Variants in PTPN4 observed in about 807,000 individuals in gnomAD.
The protein encoded by PTPN4 is protein tyrosine phosphatase non-receptor type 4.
PTPN4 carries 49 observed loss-of-function variants against 135.5 expected under a neutral mutation model. The observed-to-expected ratio is 0.36, with a 90% confidence interval of 0.29 to 0.46. PTPN4 has a LOEUF of 0.46. Among genes scored for constraint, PTPN4 ranks in the 20% least tolerant of loss-of-function variants. PTPN4 has a pLI of 1.00. For synonymous variants in PTPN4, 333 were observed against 369.9 expected (o/e 0.90, Z 1.14); for missense variants, 860 against 1,101.0 (o/e 0.78, Z 3.10).
intron 12 of PTPN4, among the ~76,000 whole-genome samples, chr2:119,922,004 C>T (rs893275899): frequency 6.6e-6 from 1 of 152,012 alleles, no homozygotes; most frequent in Non-Finnish European, 1.5e-5. Flanking sequence ...AATAACCAGT[C>T]TTCAACTATA....
At chr2:119,885,211 G>C (rs562580007) in intron 8 of PTPN4, among the ~76,000 whole-genome samples, 1 of 152,190 alleles carries the variant, frequency 6.6e-6, no homozygotes, top group East Asian at 1.9e-4. Flanking sequence ...TTAATTACTA[G>C]AAAAATAAAG....
chr2:119,795,034 C>A (rs1393921403), intron 1 of PTPN4, among the ~76,000 whole-genome samples: 2 of 152,066 alleles, frequency 1.3e-5, no homozygotes, highest in East Asian at 3.9e-4. Context: ...GAGGGTAGTT[C>A]TTCTTGGCTG....
At chr2:119,947,397 G>A (rs1171743879) in intron 18 of PTPN4, among the ~76,000 whole-genome samples, 1 of 152,080 alleles carries the variant, frequency 6.6e-6, no homozygotes, top group African/African-American at 2.4e-5. Flanking sequence ...ATGTTATGTG[G>A]TTTTGGTTCT....
intron 13 of PTPN4, among the ~76,000 whole-genome samples, chr2:119,931,293 T>C (rs1678901968): frequency 6.6e-6 from 1 of 152,060 alleles, no homozygotes; most frequent in South Asian, 2.1e-4. Context: ...TTTCAGCTAA[T>C]TTTGTCTATT....
intron 1 of PTPN4, among the ~76,000 whole-genome samples, chr2:119,801,981 A>C (rs1466867070): frequency 7.0e-6 from 1 of 142,584 alleles, no homozygotes; most frequent in Admixed American, 7.4e-5. Flanking sequence ...GCTCACTGCA[A>C]CCTCCGCCTC....
At chr2:119,872,182 A>C (rs72969187) in intron 3 of PTPN4, among the ~76,000 whole-genome samples, 3,245 of 152,254 alleles carry the variant, frequency 0.021, 111 homozygotes, top group African/African-American at 0.073. Flanking sequence ...GATCAAATCC[A>C]AGTTTTCCAC....
intron 2 of PTPN4, among the ~76,000 whole-genome samples, chr2:119,817,071 C>T (rs572120878): frequency 1.3e-4 from 20 of 152,294 alleles, no homozygotes; most frequent in African/African-American, 4.6e-4. Context: ...TAAGGGAATG[C>T]ATTTGTCAAC....
chr2:119,942,270 A>G (rs1442195580), intron 15 of PTPN4, among the ~76,000 whole-genome samples: 1 of 152,154 alleles, frequency 6.6e-6, no homozygotes, highest in Admixed American at 6.5e-5. Flanking sequence ...CTCTCATGTA[A>G]CTGAGTATTG....
intron 1 of PTPN4, among the ~76,000 whole-genome samples, chr2:119,797,849 C>G (rs1388182695): frequency 6.6e-6 from 1 of 152,012 alleles, no homozygotes; most frequent in Non-Finnish European, 1.5e-5. Flanking sequence ...TTTTAATTCC[C>G]CAGTCATGGT....
At chr2:119,786,714 T>C (rs973980328) in intron 1 of PTPN4, among the ~76,000 whole-genome samples, 17 of 152,176 alleles carry the variant, frequency 1.1e-4, no homozygotes, top group Non-Finnish European at 2.4e-4. Flanking sequence ...TATCCTCTTA[T>C]TCACTGAGGC....
chr2:119,907,994 C>CT (rs1336272927), intron 10 of PTPN4, among the ~76,000 whole-genome samples: 21 of 152,190 alleles, frequency 1.4e-4, no homozygotes, highest in Non-Finnish European at 1.5e-5. Context: ...AACTATAAAA[C>CT]TGCTAAATGA....
At chr2:119,921,909 C>T (rs1678742179) in intron 12 of PTPN4, among the ~76,000 whole-genome samples, 1 of 152,134 alleles carries the variant, frequency 6.6e-6, no homozygotes, top group South Asian at 2.1e-4. Context: ...ACCCTCTGTT[C>T]AAATTCTTTT....
rs115091852 is a variant in PTPN4 at position 119,846,366 on chromosome 2, C to T, written c.139-16170C>T. On this transcript the variant is annotated intron_variant, in intron 2 of 26. Transcript: ENST00000263708. ...TTTATGTTTGTATCTTCTGATGGAA[C>T]GACCTTTAGCGTTATAAAATTTCCC... is the stretch of plus-strand genomic sequence containing the variant. Among the ~76,000 whole-genome samples the T allele has an allele frequency of 5.9e-3, 899 of 152,242 alleles. 13 individuals carry two copies. Among genetic ancestry groups the T allele is most frequent in the African/African-American group, 0.02 (835 of 41,546 alleles).
intron 9 of PTPN4, among the ~76,000 whole-genome samples, chr2:119,896,044 C>T (rs1356948186): frequency 6.6e-6 from 1 of 152,002 alleles, no homozygotes; most frequent in Non-Finnish European, 1.5e-5. Flanking sequence ...TTTTTTCCTG[C>T]TCTTTTTAAA....
intron 9 of PTPN4, among the ~76,000 whole-genome samples, chr2:119,895,110 GAGGGAAGGAGGC>G (rs1338638449): frequency 6.6e-5 from 10 of 152,190 alleles, no homozygotes; most frequent in Admixed American, 3.9e-4. Flanking sequence ...CTCTGAGAAT[GAGGGAAGGAGGC>G]AGGGAAGGTG....
chr2:119,900,771 T>A lies in PTPN4; in HGVS notation c.729T>A (p.Ile243=). 1 of 1,588,242 alleles carries A rather than the reference T, an allele frequency of 6.3e-7. No individual in the cohort carries two copies. Among genetic ancestry groups the A allele is most frequent in the Non-Finnish European group, 8.6e-7 (1 of 1,166,186 alleles). The change falls in exon 10 of 27, where the codon ATT becomes ATA. Residue 243 remains isoleucine (I), a synonymous_variant. Transcript: ENST00000263708. ...MIGVMSGGIL[I]YKNRVRMNTF... ...GAGTGATGTCAGGAGGAATTCTGAT[T>A]TATAAGAACAGGGTACGAATGAATA...
chr2:119,830,142 A>T (rs1325414610), intron 2 of PTPN4, among the ~76,000 whole-genome samples: 1 of 151,992 alleles, frequency 6.6e-6, no homozygotes, highest in Non-Finnish European at 1.5e-5. Context: ...TTCCTCCAAG[A>T]CTTTTGTAGT....
At chr2:119,844,400 C>G (rs1677444538) in intron 2 of PTPN4, among the ~76,000 whole-genome samples, 1 of 149,804 alleles carries the variant, frequency 6.7e-6, no homozygotes, top group Admixed American at 6.6e-5. Context: ...GGCGGAGACA[C>G]TCCTCACTTC....
In PTPN4 at chr2:119,914,248, A is replaced by ATTTTTTTTTTTTTTTTTTTTTT. The variant is rs55911315; in HGVS notation, c.765-924_765-903dup. The stretch of plus-strand genomic sequence containing the variant: ...CATAAATACAGTCAATAGTTACTCA[A>ATTTTTTTTTTTTTTTTTTTTTT]TTTTTTTTTTTTTTTTTTTTTTTTT... On this transcript the variant is annotated intron_variant, in intron 10 of 26. Coordinates refer to ENST00000263708, the MANE Select transcript of PTPN4 (RefSeq NM_002830.4). Among the ~76,000 whole-genome samples the ATTTTTTTTTTTTTTTTTTTTTT allele has an allele frequency of 1.3e-4, 13 of 97,426 alleles. 2 individuals carry two copies. The highest frequency in any genetic ancestry group is 7.0e-4 in the African/African-American group (12 of 17,066). 63.9% of individuals were successfully genotyped at this position (97,426 alleles called of 152,430 possible). A position where few individuals can be genotyped will look rare whatever the true frequency, so the allele number is the denominator to read the frequency against.
Sources: gnomAD v4.1 joint callset for allele counts (sites outside exome capture counted in the v4.1 genomes callset) on GRCh38, gnomAD v4.1.1 for gene constraint, MANE v1.5 for transcripts, NCBI Gene and HGNC (gene_info 2026-07-23, HGNC 2026-07-21) for gene names.